Variants in RBFOX1 observed in about 807,000 individuals in gnomAD.
RBFOX1 encodes RNA binding fox-1 homolog 1, also known as RNA binding protein fox-1 homolog 1.
RBFOX1 carries 8 observed loss-of-function variants against 57.7 expected under a neutral mutation model. The observed-to-expected ratio is 0.14, with a 90% CI of 0.08 to 0.25. The LOEUF (loss-of-function observed/expected upper bound fraction) is 0.25. RBFOX1 is among the 10% of genes least tolerant of loss of function. The pLI, the probability that RBFOX1 is intolerant of heterozygous loss-of-function variation, is 1.00. For synonymous variants in RBFOX1, 326 were observed against 222.4 expected, an observed-to-expected ratio of 1.47 and a Z score of -4.15; for missense variants, 611 against 548.5, an observed-to-expected ratio of 1.11 and a Z score of -1.14.
intron 3 of RBFOX1, among the ~76,000 whole-genome samples, chr16:6,713,000 C>T (rs2064011923): frequency 6.6e-6 from 1 of 150,396 alleles, no homozygotes; most frequent in Non-Finnish European, 1.5e-5. Context: ...TTGCCTGCCG[C>T]CATGTAAGAC....
rs1693018347 is a variant in RBFOX1, at chr16:6,466,606, A to T, written c.-64+149549A>T. Among the ~76,000 whole-genome samples, 5 of 152,136 alleles carry T rather than the reference A, an allele frequency of 3.3e-5. No individual in the cohort carries two copies. The South Asian group carries it at 8.3e-4, about 25-fold the overall frequency. On this transcript the variant is annotated intron_variant, in intron 2 of 15. Transcript: ENST00000550418. ...TCTCCTCTGTCCTTTTGACAATTCC[A>T]TGGGCAGAATATCACAGGAATGGCA...
chr16:6,008,621 C>G (rs866894702), intron 4 of RBFOX1, among the ~76,000 whole-genome samples: 1 of 152,122 alleles, frequency 6.6e-6, no homozygotes, highest in Non-Finnish European at 1.5e-5. Context: ...TATATCCTGA[C>G]AACCAGGGGA....
intron 1 of RBFOX1, among the ~76,000 whole-genome samples, chr16:6,168,005 T>C (rs1003400468): frequency 6.6e-6 from 1 of 152,204 alleles, no homozygotes; most frequent in African/African-American, 2.4e-5. Flanking sequence ...GAAATGTCAT[T>C]AGAGCTTGGC....
At chr16:5,454,931 C>T (rs1286568519) in intron 1 of RBFOX1, among the ~76,000 whole-genome samples, 2 of 34,538 alleles carry the variant, frequency 5.8e-5, no homozygotes, top group African/African-American at 2.4e-4. Context: ...TTCTTTCTTC[C>T]TTCCTTCCTT....
intron 4 of RBFOX1, among the ~76,000 whole-genome samples, chr16:5,990,869 G>A (rs1228401268): frequency 6.6e-6 from 1 of 152,134 alleles, no homozygotes; most frequent in African/African-American, 2.4e-5. Flanking sequence ...ATCTACTCGG[G>A]AGGCTGAGGC....
chr16:6,822,658 C>G (rs1012134651), intron 3 of RBFOX1, among the ~76,000 whole-genome samples: 6 of 152,262 alleles, frequency 3.9e-5, no homozygotes, highest in African/African-American at 9.6e-5. Context: ...CAACCCCATG[C>G]TAATTCACTT....
chr16:5,303,062 G>T (rs1376536071), intron 1 of RBFOX1, among the ~76,000 whole-genome samples: 1 of 152,068 alleles, frequency 6.6e-6, no homozygotes, highest in Non-Finnish European at 1.5e-5. Flanking sequence ...AGTATTTTGT[G>T]TGTGCTTTTT....
intron 4 of RBFOX1, among the ~76,000 whole-genome samples, chr16:7,494,631 T>TA (rs1330681340): frequency 1.3e-5 from 2 of 152,168 alleles, no homozygotes; most frequent in Admixed American, 6.5e-5. Context: ...ATGCAGTTTT[T>TA]ATCTCTCTTA....
At chr16:6,523,801 A>G (rs920314362) in intron 2 of RBFOX1, among the ~76,000 whole-genome samples, 2 of 152,200 alleles carry the variant, frequency 1.3e-5, no homozygotes, top group African/African-American at 4.8e-5. Flanking sequence ...ATTTAGTTAC[A>G]TTTTGAAGGT....
At chr16:7,386,677 A>T (rs2097888350) in intron 4 of RBFOX1, among the ~76,000 whole-genome samples, 2 of 152,130 alleles carry the variant, frequency 1.3e-5, no homozygotes, top group Admixed American at 1.3e-4. Context: ...GAACAGTGCC[A>T]CAGTAATCAT....
intron 4 of RBFOX1, among the ~76,000 whole-genome samples, chr16:7,239,962 T>G (rs2093974146): frequency 6.6e-6 from 1 of 152,142 alleles, no homozygotes; most frequent in East Asian, 1.9e-4. Context: ...GTTGAAACTA[T>G]AAGATGATGG....
chr16:7,025,879 C>A (rs947117516), intron 3 of RBFOX1, among the ~76,000 whole-genome samples: 3 of 152,154 alleles, frequency 2.0e-5, no homozygotes, highest in African/African-American at 7.2e-5. Context: ...GGATGAGCTG[C>A]TTAATAGTAC....
intron 1 of RBFOX1, among the ~76,000 whole-genome samples, chr16:6,233,271 C>T (rs2097479545): frequency 6.6e-6 from 1 of 152,160 alleles, no homozygotes; most frequent in African/African-American, 2.4e-5. Flanking sequence ...AAGCCCCAAA[C>T]TGGAGGGAAG....
intron 1 of RBFOX1, among the ~76,000 whole-genome samples, chr16:5,258,958 C>T (rs890979850): frequency 3.3e-5 from 5 of 151,806 alleles, no homozygotes; most frequent in Non-Finnish European, 7.4e-5. Flanking sequence ...AATAAAAGCA[C>T]ACTCCATTTC....
chr16:7,600,512 G>C (rs1328949868), intron 9 of RBFOX1, among the ~76,000 whole-genome samples: 1 of 152,150 alleles, frequency 6.6e-6, no homozygotes. Flanking sequence ...AAGAGGGTAA[G>C]TCGGGACCAA....
At chr16:5,809,355 G>C (rs1440411632) in intron 3 of RBFOX1, among the ~76,000 whole-genome samples, 1 of 152,150 alleles carries the variant, frequency 6.6e-6, no homozygotes, top group Non-Finnish European at 1.5e-5. Flanking sequence ...CTTCTGGACA[G>C]CAAAAGAAAC....
chr16:6,863,798 C>T (rs554719310), intron 3 of RBFOX1, among the ~76,000 whole-genome samples: 1 of 127,706 alleles, frequency 7.8e-6, no homozygotes, highest in African/African-American at 3.1e-5. Context: ...CCTTGTGATA[C>T]AGTCTCAGGA....
chr16:7,063,435 C>CCCTG (rs1310914437), intron 4 of RBFOX1, among the ~76,000 whole-genome samples: 1 of 152,108 alleles, frequency 6.6e-6, no homozygotes, highest in Non-Finnish European at 1.5e-5. Context: ...TCTCAGAGTA[C>CCCTG]CCTTCAAAGG....
intron 3 of RBFOX1, among the ~76,000 whole-genome samples, chr16:6,830,310 G>T (rs1401800445): frequency 1.3e-5 from 2 of 152,118 alleles, no homozygotes; most frequent in Admixed American, 1.3e-4. Context: ...AAATAATACA[G>T]AACTATTATT....
Sources: gnomAD v4.1 joint callset for allele counts (sites outside exome capture counted in the v4.1 genomes callset) on GRCh38, gnomAD v4.1.1 for gene constraint, MANE v1.5 for transcripts, NCBI Gene and HGNC (gene_info 2026-07-23, HGNC 2026-07-21) for gene names.